KCNA2: variants seen among roughly 807,000 people sequenced by gnomAD.
KCNA2 encodes potassium channel, voltage gated shaker related subfamily A, member 2.
In KCNA2, 11 loss-of-function variants were observed where a neutral mutation model predicts 33.4. The observed-to-expected ratio is 0.33, with a 90% CI of 0.21 to 0.55. The LOEUF (loss-of-function observed/expected upper bound fraction) is 0.55, where lower values mean the gene tolerates loss of function less well. KCNA2 is among the 20% of genes least tolerant of loss of function. The probability of loss-of-function intolerance (pLI) is 0.93; values close to 1 mark genes in which losing one functional copy is unlikely to be tolerated. For synonymous variants in KCNA2, 222 were observed against 231.3 expected, an observed-to-expected ratio of 0.96 and a Z score of 0.37; for missense variants, 291 against 621.6, an observed-to-expected ratio of 0.47 and a Z score of 5.66.
intron 1 of KCNA2, among the ~76,000 whole-genome samples, chr1:110,628,953 ATGG>A (rs1650473346): frequency 6.6e-6 from 1 of 152,218 alleles, no homozygotes; most frequent in African/African-American, 2.4e-5. Flanking sequence ...CCTGGGAATC[ATGG>A]TGGTGCTGCA....
rs1327301135 is a variant in KCNA2, at chr1:110,599,750, T to G, written c.*3533A>C. ...GCAGTTTCTTGAGCCATTACTGCTT[T>G]TAAGAGAATAGGGCTGAATCTGGAG... On this transcript the variant is annotated 3_prime_UTR_variant, in exon 3 of 3. Coordinates refer to ENST00000316361, the MANE Select transcript of KCNA2 (RefSeq NM_004974.4). The G allele has an allele frequency of 1.0e-6, 1 of 985,300 alleles. No homozygotes were observed. Among genetic ancestry groups the G allele is most frequent in the African/African-American group, 1.7e-5 (1 of 57,214 alleles). The allele number at this position is 985,300 out of a possible 1,614,324, so 61.0% of individuals were successfully genotyped here. A position where few individuals can be genotyped will look rare whatever the true frequency, so the allele number is the denominator to read the frequency against.
At chr1:110,618,573 C>T (rs994279826) in intron 1 of KCNA2, among the ~76,000 whole-genome samples, 21 of 152,046 alleles carry the variant, frequency 1.4e-4, no homozygotes, top group African/African-American at 5.1e-4. Flanking sequence ...CCAGGAGAGC[C>T]ACGAAAGGAA....
intron 1 of KCNA2, among the ~76,000 whole-genome samples, chr1:110,623,648 G>T (rs1034222342): frequency 1.3e-5 from 2 of 152,120 alleles, no homozygotes; most frequent in African/African-American, 4.8e-5. Flanking sequence ...TCCCGCTTTG[G>T]ACTCCCAAAA....
rs1450678948 is a variant in KCNA2, at chr1:110,601,790, A to ATGTGTGTGTG, written c.*1492_*1493insCACACACACA. 3 of 1,163,672 alleles carry ATGTGTGTGTG rather than the reference A, an allele frequency of 2.6e-6. No homozygotes were observed. The African/African-American group carries it at 5.5e-5, about 21-fold the overall frequency. The allele number at this position is 1,163,672 out of a possible 1,614,324, so 72.1% of individuals were successfully genotyped here. A position where few individuals can be genotyped will look rare whatever the true frequency, so the allele number is the denominator to read the frequency against. ...CTCCAGAAAATGAATATATATATAT[A>ATGTGTGTGTG]TATATGTGTGTGTGTGTGTGTGTGT... On this transcript the variant is annotated 3_prime_UTR_variant, in exon 3 of 3. Coordinates refer to ENST00000316361, the MANE Select transcript of KCNA2 (RefSeq NM_004974.4).
rs1009694469 is a variant in KCNA2 at position 110,606,357 on chromosome 1, A to G, written c.-625T>C. On this transcript the variant is annotated 5_prime_UTR_variant, in exon 1 of 3. Transcript: ENST00000316361. ...ACATCTCCTCGGCAGGGAGCACAGA[A>G]TAAACGCTCCGCCTGCCTAGCTGCG... 2.0e-5 allele frequency: 3 copies of G among 152,334 alleles called. No individual in the cohort carries two copies. The highest frequency in any genetic ancestry group is 4.4e-5 in the Non-Finnish European group (3 of 68,026). The allele number at this position is 152,334 out of a possible 1,614,324, so 9.4% of individuals were successfully genotyped here.
chr1:110,618,466 C>T (rs970491425), intron 1 of KCNA2, among the ~76,000 whole-genome samples: 1 of 152,204 alleles, frequency 6.6e-6, no homozygotes, highest in African/African-American at 2.4e-5. Context: ...TGCCTTCCCT[C>T]AGTTCTTTCC....
At position 110,595,207 on chromosome 1, in the gene KCNA2, G is replaced by A. The variant is rs1649045205; in HGVS notation, c.*8076C>T. On this transcript the variant is annotated 3_prime_UTR_variant, in exon 3 of 3. Transcript: ENST00000316361. Reference sequence around the variant, plus strand: ...CCACATTATTACATAATCATGCCCTGTGCATCCATCAGTGGAATGATGCAG... The same window carrying A: ...CCACATTATTACATAATCATGCCCTATGCATCCATCAGTGGAATGATGCAG... 1 of 985,300 alleles carries A rather than the reference G, an allele frequency of 1.0e-6. No homozygotes were observed. Among genetic ancestry groups the A allele is most frequent in the African/African-American group, 1.7e-5 (1 of 57,232 alleles). 61.0% of individuals were successfully genotyped at this position (985,300 alleles called of 1,614,324 possible).
rs141753252 is a variant in KCNA2 at position 110,621,184 on chromosome 1, T to C, written c.-496+10211A>G. Among the ~76,000 whole-genome samples the C allele has an allele frequency of 9.9e-3, 1,506 of 152,350 alleles. 30 individuals are homozygous for C. Among genetic ancestry groups the C allele is most frequent in the African/African-American group, 0.035 (1,437 of 41,584 alleles). ...AGAGTCCCACTCCTTGTTTGCTGGG[T>C]GGGTAAGTGTTCATTAGCTAATATT... On this transcript the variant is annotated intron_variant, in intron 1 of 4. Transcript: ENST00000369770.
At chr1:110,626,004 G>A (rs1650378537) in intron 1 of KCNA2, among the ~76,000 whole-genome samples, 1 of 152,142 alleles carries the variant, frequency 6.6e-6, no homozygotes, top group Admixed American at 6.6e-5. Context: ...TTGTTGGTGG[G>A]AGTGTTAATT....
In KCNA2 at chr1:110,598,399, G is replaced by A. The variant is rs1649194740; in HGVS notation, c.*4884C>T. ...ACTGTTCTATAGTTTCCTTAGGGGG[G>A]AGTCAGCCTCTGTGACTCTACTACT... On this transcript the variant is annotated 3_prime_UTR_variant, in exon 3 of 3. Transcript: ENST00000316361. 11 of 985,382 alleles carry A rather than the reference G, an allele frequency of 1.1e-5. No homozygotes were observed. Among genetic ancestry groups the A allele is most frequent in the South Asian group, 4.7e-5 (1 of 21,276 alleles). 61.0% of individuals were successfully genotyped at this position (985,382 alleles called of 1,614,324 possible). A position where few individuals can be genotyped will look rare whatever the true frequency, so the allele number is the denominator to read the frequency against.
intron 1 of KCNA2, among the ~76,000 whole-genome samples, chr1:110,620,611 G>C (rs755040903): frequency 1.3e-5 from 2 of 152,180 alleles, no homozygotes; most frequent in Non-Finnish European, 2.9e-5. Context: ...ATGGTGAGCT[G>C]TTGGCCTAAC....
At position 110,599,230 on chromosome 1, in the gene KCNA2, C is replaced by G. The variant is rs1649233536; in HGVS notation, c.*4053G>C. ...TGTAGGTGAAGCCTTTGCTAAAATG[C>G]ACTCAGCTCTCAGCTAGTCCTACTT... is the stretch of plus-strand genomic sequence containing the variant. On this transcript the variant is annotated 3_prime_UTR_variant, in exon 3 of 3. Transcript: ENST00000316361. 1.0e-6 allele frequency: 1 copy of G among 985,340 alleles called. No homozygotes were observed. Among genetic ancestry groups the G allele is most frequent in the Non-Finnish European group, 1.2e-6 (1 of 829,934 alleles). 61.0% of individuals were successfully genotyped at this position (985,340 alleles called of 1,614,324 possible). A position where few individuals can be genotyped will look rare whatever the true frequency, so the allele number is the denominator to read the frequency against.
upstream of KCNA2, among the ~76,000 whole-genome samples, chr1:110,609,884 T>C (rs1447855294): frequency 6.6e-6 from 1 of 152,226 alleles, no homozygotes; most frequent in Non-Finnish European, 1.5e-5. Context: ...TTGAGCAAGT[T>C]ACTGACACTC....
intron 1 of KCNA2, among the ~76,000 whole-genome samples, chr1:110,611,877 G>A (rs553601188): frequency 1.3e-5 from 2 of 152,060 alleles, no homozygotes; most frequent in South Asian, 4.2e-4. Context: ...ACAAAAATTA[G>A]CCAGCACGGT....
chr1:110,618,286 A>C (rs187715208), intron 1 of KCNA2, among the ~76,000 whole-genome samples: 1 of 152,238 alleles, frequency 6.6e-6, no homozygotes, highest in Admixed American at 6.5e-5. Context: ...GTTCGAGGTT[A>C]CAGTGAGGTA....
chr1:110,618,208 A>G (rs970543962), intron 1 of KCNA2, among the ~76,000 whole-genome samples: 4 of 152,218 alleles, frequency 2.6e-5, no homozygotes, highest in Admixed American at 6.5e-5. Context: ...TTATCTGGGC[A>G]TGATGGCACC....
Position 110,601,162 on chromosome 1 carries a change from A to G in KCNA2, c.*2121T>C, listed in dbSNP as rs893392981. 7 of 985,302 alleles carry G rather than the reference A, an allele frequency of 7.1e-6. No homozygotes were observed. Among genetic ancestry groups the G allele is most frequent in the Non-Finnish European group, 6.0e-6 (5 of 829,984 alleles). 61.0% of individuals were successfully genotyped at this position (985,302 alleles called of 1,614,324 possible). The stretch of plus-strand genomic sequence containing the variant: ...TTACCCATCCTTTGGTTCTTTTTAA[A>G]AAGCAGCTCTGGTTGCCAGTTTAAT... On this transcript the variant is annotated 3_prime_UTR_variant, in exon 3 of 3. Transcript: ENST00000316361.
intron 1 of KCNA2, among the ~76,000 whole-genome samples, chr1:110,615,321 G>C (rs887900663): frequency 1.3e-5 from 2 of 152,262 alleles, no homozygotes; most frequent in Admixed American, 6.5e-5. Flanking sequence ...CGTGTTTGTT[G>C]AATGGAGTAA....
In KCNA2 at chr1:110,597,716, C is replaced by A; in HGVS notation, c.*5567G>T. On this transcript the variant is annotated 3_prime_UTR_variant, in exon 3 of 3. Coordinates refer to ENST00000316361, the MANE Select transcript of KCNA2 (RefSeq NM_004974.4). ...GAAGTCAAGGGCATTATCTGATAAT[C>A]CAGGTACTATCTATCACTTTTCAGT... 2 of 985,358 alleles carry A rather than the reference C, an allele frequency of 2.0e-6. No individual in the cohort carries two copies. The highest frequency in any genetic ancestry group is 1.2e-6 in the Non-Finnish European group (1 of 829,904). The allele number at this position is 985,358 out of a possible 1,614,324, so 61.0% of individuals were successfully genotyped here. A position where few individuals can be genotyped will look rare whatever the true frequency, so the allele number is the denominator to read the frequency against.
Sources: allele counts gnomAD v4.1 joint callset (sites outside exome capture counted in the v4.1 genomes callset), GRCh38; gene constraint gnomAD v4.1.1; transcripts MANE v1.5; gene names NCBI Gene and HGNC (gene_info 2026-07-23, HGNC 2026-07-21).